The following CDK7 variants were observed in gnomAD, a reference collection of about 807,000 sequenced individuals.
CDK7 encodes the protein cyclin-dependent kinase 7.
CDK7 carries 25 observed loss-of-function variants against 49.1 expected under a neutral mutation model. The ratio of observed to expected loss-of-function variants is 0.51; its 90% CI spans 0.37 to 0.71. The LOEUF (loss-of-function observed/expected upper bound fraction) is 0.71, where lower values mean the gene tolerates loss of function less well. CDK7 is among the 30% of genes least tolerant of loss of function. CDK7 has a pLI of 0.00. For synonymous variants in CDK7, 107 were observed against 140.0 expected (o/e 0.76, Z 1.67); for missense variants, 316 against 411.7 (o/e 0.77, Z 2.01).
Position 69,235,163 on chromosome 5 carries a change from A to G in CDK7, c.66+122A>G, listed in dbSNP as rs558013666. The G allele has an allele frequency of 2.8e-3, 2,626 of 947,480 alleles. 7 individuals are homozygous for G. Among genetic ancestry groups the G allele is most frequent in the Non-Finnish European group, 3.9e-3 (2,356 of 610,898 alleles). 58.7% of individuals were successfully genotyped at this position (947,480 alleles called of 1,614,324 possible). ...TGGCTGCTCGTTCTCGTTGGGGGAA[A>G]CCGTCCAGACGCACTTGCTGCCCAT... On this transcript the variant is annotated intron_variant, in intron 1 of 11. Transcript: ENST00000256443.
intron 11 of CDK7, 64 bp from the exon 12 acceptor site, chr5:69,277,043 A>G (rs1047847744): frequency 7.9e-6 from 11 of 1,386,624 alleles, no homozygotes; most frequent in African/African-American, 2.9e-5. Flanking sequence ...TAAAATTGCT[A>G]TGAGAATGTG....
intron 8 of CDK7, 72 bp downstream of exon 8, chr5:69,262,376 T>C: frequency 6.2e-7 from 1 of 1,604,872 alleles, no homozygotes; most frequent in African/African-American, 1.3e-5. Flanking sequence ...TGTATAAGAA[T>C]TCTTGTCCTA....
At chr5:69,275,889 C>A (rs577569217) in intron 10 of CDK7, among the ~76,000 whole-genome samples, 3 of 152,126 alleles carry the variant, frequency 2.0e-5, no homozygotes, top group Non-Finnish European at 2.9e-5. Flanking sequence ...TTAATCTTGG[C>A]TTCCATCCCC....
chr5:69,242,891 C>CAA (rs1186940757), intron 2 of CDK7, among the ~76,000 whole-genome samples: 1 of 152,098 alleles, frequency 6.6e-6, no homozygotes, highest in Non-Finnish European at 1.5e-5. Context: ...ACTAAAAATA[C>CAA]AAAATTATCC....
In CDK7 at chr5:69,276,676, A is replaced by T; in HGVS notation, c.998A>T (p.Glu333Val). 4 of 1,614,132 alleles carry T rather than the reference A, an allele frequency of 2.5e-6. No individual in the cohort carries two copies. Among genetic ancestry groups the T allele is most frequent in the Non-Finnish European group, 3.4e-6 (4 of 1,179,956 alleles). ...TTGGCAATAAAAAGGAAAAGAACAG[A>T]GGCCTTAGAACAAGGTAAGATTCCC... is the stretch of plus-strand genomic sequence containing the variant. Reference protein sequence around the residue: ...PALAIKRKRTEALEQGGLPKK... With the variant: ...PALAIKRKRTVALEQGGLPKK... Residue 333 changes from glutamate to valine, a missense_variant, in exon 11 of 12, where the codon GAG becomes GTG. Transcript: ENST00000256443.
At chr5:69,249,736 C>T (rs779236536) in intron 2 of CDK7, among the ~76,000 whole-genome samples, 6 of 152,006 alleles carry the variant, frequency 3.9e-5, no homozygotes, top group Non-Finnish European at 8.8e-5. Context: ...ATTCCAGCTA[C>T]CTGGGAGGCT....
At chr5:69,274,355 G>A (rs1385310654) in intron 10 of CDK7, among the ~76,000 whole-genome samples, 1 of 152,122 alleles carries the variant, frequency 6.6e-6, no homozygotes, top group Non-Finnish European at 1.5e-5. Context: ...GCAGCTGTAG[G>A]CCGGTGCATC....
At chr5:69,269,571 A>G (rs994091724) in intron 9 of CDK7, among the ~76,000 whole-genome samples, 1 of 152,108 alleles carries the variant, frequency 6.6e-6, no homozygotes, top group Admixed American at 6.6e-5. Flanking sequence ...TTAGGAGTTT[A>G]TAAGCACACT....
rs138854084 is a variant in CDK7, at chr5:69,261,575, G to C, written c.528-630G>C. Among the ~76,000 whole-genome samples, 704 of 151,346 alleles carry C rather than the reference G, an allele frequency of 4.7e-3. 47 individuals carry two copies. The East Asian group carries it at 0.13, about 28-fold the overall frequency. On this transcript the variant is annotated intron_variant, in intron 7 of 11. Coordinates refer to ENST00000256443, the MANE Select transcript of CDK7 (RefSeq NM_001799.4). ...AGACGGAATCTGGCACTGTCGCCCA[G>C]GCTGGAGTGCAATGGCGCGATCTCT...
At chr5:69,251,997 A>G (rs762405075) in intron 2 of CDK7, among the ~76,000 whole-genome samples, 4 of 152,154 alleles carry the variant, frequency 2.6e-5, no homozygotes, top group Non-Finnish European at 4.4e-5. Flanking sequence ...CTTTTTGAAA[A>G]ATGTGGTGTC....
At position 69,269,989 on chromosome 5, in the gene CDK7, T is replaced by G. The variant is rs1051097585; in HGVS notation, c.714+696T>G. On this transcript the variant is annotated intron_variant, in intron 9 of 11. Coordinates refer to ENST00000256443, the MANE Select transcript of CDK7 (RefSeq NM_001799.4). ...GCTCACGCCTGTAATCCCAGCACTT[T>G]GGGAGGCTGAGGCGGGCAGATCATT... is the stretch of plus-strand genomic sequence containing the variant. 2.7e-5 allele frequency among the ~76,000 whole-genome samples: 4 copies of G among 146,596 alleles called. No individual in the cohort carries two copies. In the South Asian group the frequency reaches 8.9e-4, roughly 32 times the overall value.
intron 2 of CDK7, among the ~76,000 whole-genome samples, chr5:69,241,774 A>G (rs1211498877): frequency 6.6e-6 from 1 of 152,120 alleles, no homozygotes; most frequent in East Asian, 1.9e-4. Context: ...TTTTTCATAT[A>G]GAGTTGTTTG....
intron 6 of CDK7, among the ~76,000 whole-genome samples, chr5:69,258,966 C>T (rs1046276548): frequency 5.9e-5 from 9 of 151,838 alleles, no homozygotes; most frequent in African/African-American, 1.9e-4. Flanking sequence ...GTCCCAGCTG[C>T]TCAGGAGGCT....
intron 2 of CDK7, among the ~76,000 whole-genome samples, chr5:69,239,611 A>G (rs1490751291): frequency 6.6e-6 from 1 of 152,098 alleles, no homozygotes; most frequent in Non-Finnish European, 1.5e-5. Flanking sequence ...TTTGTCAGAA[A>G]TACACATTGC....
At chr5:69,270,705 G>A (rs995043576) in intron 9 of CDK7, among the ~76,000 whole-genome samples, 1 of 152,072 alleles carries the variant, frequency 6.6e-6, no homozygotes, top group Non-Finnish European at 1.5e-5. Context: ...TTATGTAAAT[G>A]GATAAATGGA....
chr5:69,252,577 G>A (rs1359170310), intron 3 of CDK7, 126 bp downstream of exon 3: 7 of 593,520 alleles, frequency 1.2e-5, no homozygotes, highest in African/African-American at 4.3e-5. Context: ...AGACACAATC[G>A]TAGCTCACTG....
rs1322063986 is a variant in CDK7, at chr5:69,245,302, TCCCCTTCC to T, written c.127-7112_127-7105del. The stretch of plus-strand genomic sequence containing the variant: ...CCCTCCTTTTCCCCTCCCTTCCCCC[TCCCCTTCC>T]CCCTCCCCTTCCCCTCCCTTACCCT... On this transcript the variant is annotated intron_variant, in intron 2 of 11. Coordinates refer to ENST00000256443, the MANE Select transcript of CDK7 (RefSeq NM_001799.4). Among the ~76,000 whole-genome samples the T allele has an allele frequency of 9.9e-5, 3 of 30,212 alleles. No individual in the cohort carries two copies. In the East Asian group the frequency reaches 5.7e-3, roughly 58 times the overall value. The allele number at this position is 30,212 out of a possible 152,430, so 19.8% of individuals were successfully genotyped here.
At position 69,261,524 on chromosome 5, in the gene CDK7, GTA is replaced by G. The variant is rs1554065287; in HGVS notation, c.528-679_528-678del. On this transcript the variant is annotated intron_variant, in intron 7 of 11. Transcript: ENST00000256443. ...TGTGTGTGTGTGTGTGTGTGTGTGT[GTA>G]TGTGTGTGTGGTGTTTTGTTTTGAG... Among the ~76,000 whole-genome samples, 30 of 86,702 alleles carry G rather than the reference GTA, an allele frequency of 3.5e-4. No homozygotes were observed. In the East Asian group the frequency reaches 7.4e-3, roughly 21 times the overall value. 56.9% of individuals were successfully genotyped at this position (86,702 alleles called of 152,430 possible). A position where few individuals can be genotyped will look rare whatever the true frequency, so the allele number is the denominator to read the frequency against.
rs1176402526 is a variant in CDK7, at chr5:69,277,123, A to G, written c.1029A>G (p.Lys343=). 2.4e-5 allele frequency: 38 copies of G among 1,599,716 alleles called. No homozygotes were observed. Among genetic ancestry groups the G allele is most frequent in the Admixed American group, 3.5e-5 (2 of 57,392 alleles). The change falls in exon 12 of 12, where the codon AAA becomes AAG. Residue 343 remains lysine (K), a synonymous_variant. Transcript: ENST00000256443. ...EALEQGGLPK[K]LIF ...GCTTCCTAGGAGGATTGCCCAAGAA[A>G]CTAATTTTTTAAAGAGAACACTGGA...
Sources: gnomAD v4.1 joint callset for allele counts (sites outside exome capture counted in the v4.1 genomes callset) on GRCh38, gnomAD v4.1.1 for gene constraint, MANE v1.5 for transcripts, NCBI Gene and HGNC (gene_info 2026-07-23, HGNC 2026-07-21) for gene names.